AKAP6: variants seen among roughly 807,000 people sequenced by gnomAD.
The protein encoded by AKAP6 is A-kinase anchor protein 6.
In AKAP6, 58 loss-of-function variants were observed where a neutral mutation model predicts 188.5. The ratio of observed to expected loss-of-function variants is 0.31; its 90% confidence interval spans 0.25 to 0.38. AKAP6 has a LOEUF of 0.38. Ranked by LOEUF, AKAP6 falls within the 10% of genes least tolerant of loss-of-function variation. The probability of loss-of-function intolerance (pLI) is 1.00; values close to 1 mark genes in which losing one functional copy is unlikely to be tolerated. For synonymous variants in AKAP6, 989 were observed against 998.6 expected (o/e 0.99, Z 0.18); for missense variants, 2,710 against 2,740.0 (o/e 0.99, Z 0.24).
chr14:32,654,421 A>G (rs780445725), intron 7 of AKAP6, among the ~76,000 whole-genome samples: 1 of 152,182 alleles, frequency 6.6e-6, no homozygotes, highest in Non-Finnish European at 1.5e-5. Context: ...GAGAAAATGT[A>G]TTGAAAAGAA....
At chr14:32,350,159 G>C (rs559480508) in intron 1 of AKAP6, among the ~76,000 whole-genome samples, 1 of 152,258 alleles carries the variant, frequency 6.6e-6, no homozygotes, top group African/African-American at 2.4e-5. Flanking sequence ...CTTGCTCTCA[G>C]AAAACAGGAT....
At chr14:32,537,527 C>T (rs1882739285) in intron 3 of AKAP6, among the ~76,000 whole-genome samples, 1 of 152,196 alleles carries the variant, frequency 6.6e-6, no homozygotes, top group South Asian at 2.1e-4. Flanking sequence ...CTTTAGATAT[C>T]TACCTGGCAT....
intron 7 of AKAP6, among the ~76,000 whole-genome samples, chr14:32,645,709 T>G (rs1186915385): frequency 1.3e-5 from 2 of 152,050 alleles, no homozygotes; most frequent in Admixed American, 1.3e-4. Context: ...GAGGAGCAGG[T>G]GGGTGATAAA....
At chr14:32,781,265 C>T (rs2033241845) in intron 12 of AKAP6, among the ~76,000 whole-genome samples, 1 of 151,326 alleles carries the variant, frequency 6.6e-6, no homozygotes, top group Non-Finnish European at 1.5e-5. Context: ...ATCACTACAG[C>T]TTCTACCAAT....
chr14:32,334,817 C>T (rs1331391872), intron 1 of AKAP6, among the ~76,000 whole-genome samples: 1 of 152,200 alleles, frequency 6.6e-6, no homozygotes, highest in East Asian at 1.9e-4. Context: ...ACTTTGTTTT[C>T]CTCATAAGCC....
At chr14:32,351,562 C>CAAA (rs71432045) in intron 1 of AKAP6, among the ~76,000 whole-genome samples, 2,542 of 116,440 alleles carry the variant, frequency 0.022, 77 homozygotes, top group African/African-American at 0.069. Flanking sequence ...GACTTCATCT[C>CAAA]AAAAAAAAAA....
At chr14:32,549,237 G>A (rs897249251) in intron 4 of AKAP6, among the ~76,000 whole-genome samples, 2 of 152,116 alleles carry the variant, frequency 1.3e-5, no homozygotes, top group Admixed American at 6.5e-5. Flanking sequence ...CTGTCCATGA[G>A]GAAGTGATCA....
chr14:32,707,779 T>C lies in AKAP6; in HGVS notation c.3000+11669T>C, dbSNP rs555931956. 1.4e-4 allele frequency among the ~76,000 whole-genome samples: 22 copies of C among 152,210 alleles called. 2 individuals are homozygous for C. Among genetic ancestry groups the C allele is most frequent in the Admixed American group, 1.3e-3 (20 of 15,274 alleles). ...ACAGTCTATTTTTATGCTGTGATAA[T>C]TGAATGTAAAACTTTATGTTCTTTT... On this transcript the variant is annotated intron_variant, in intron 9 of 13. Coordinates refer to ENST00000280979, the MANE Select transcript of AKAP6 (RefSeq NM_004274.5).
chr14:32,598,686 G>A (rs1468805186), intron 5 of AKAP6, among the ~76,000 whole-genome samples: 2 of 152,130 alleles, frequency 1.3e-5, no homozygotes. Context: ...AGCGGAGAGG[G>A]GGGAGTAATT....
rs1220643334 is a variant in AKAP6, at chr14:32,709,620, T to G, written c.3000+13510T>G. Among the ~76,000 whole-genome samples the G allele has an allele frequency of 4.6e-5, 7 of 152,208 alleles. No homozygotes were observed. The East Asian group carries it at 7.7e-4, about 17-fold the overall frequency. On this transcript the variant is annotated intron_variant, in intron 9 of 13. Transcript: ENST00000280979. The stretch of plus-strand genomic sequence containing the variant: ...TTCCTTCTCTTTCAAGGATTGTTTT[T>G]ATCCATTCCATATAGGAGAGAATTT...
chr14:32,715,971 T>C (rs1214213645), intron 9 of AKAP6, among the ~76,000 whole-genome samples: 1 of 151,710 alleles, frequency 6.6e-6, no homozygotes, highest in African/African-American at 2.4e-5. Context: ...GTAACAGAAA[T>C]TGTTCTAGGA....
chr14:32,385,087 C>A (rs182958346), intron 1 of AKAP6: 2 of 151,350 alleles, frequency 1.3e-5, no homozygotes, highest in African/African-American at 4.9e-5. Flanking sequence ...ATGATGCTGT[C>A]GCTGGTCTTG....
intron 9 of AKAP6, among the ~76,000 whole-genome samples, chr14:32,711,113 G>T (rs1891039497): frequency 6.6e-6 from 1 of 151,982 alleles, no homozygotes; most frequent in Non-Finnish European, 1.5e-5. Context: ...GACTTGAATG[G>T]TTTCCCAATT....
chr14:32,708,161 GA>G (rs1466278769), intron 9 of AKAP6, among the ~76,000 whole-genome samples: 11 of 152,006 alleles, frequency 7.2e-5, no homozygotes, highest in African/African-American at 2.7e-4. Context: ...AGATGTAGGT[GA>G]ATATCAACAG....
intron 2 of AKAP6, among the ~76,000 whole-genome samples, chr14:32,514,264 A>G (rs1324597542): frequency 6.6e-6 from 1 of 152,222 alleles, no homozygotes; most frequent in Non-Finnish European, 1.5e-5. Flanking sequence ...GGACTCTCAG[A>G]TGTGAGACCT....
In AKAP6 at chr14:32,824,280, T is replaced by G; in HGVS notation, c.6467T>G (p.Phe2156Cys). 6.2e-7 allele frequency: 1 copy of G among 1,613,916 alleles called. No individual in the cohort carries two copies. The highest frequency in any genetic ancestry group is 8.5e-7 in the Non-Finnish European group (1 of 1,179,932). ...LDDKEDIECF[F>C]EACVEGDSDG... is the part of the protein sequence containing the mutation. ...GACAAGGAAGATATTGAATGCTTTT[T>G]TGAGGCCTGTGTTGAGGGTGACTCT... The change falls in exon 13 of 14, where the codon TTT becomes TGT. Residue 2156 changes from phenylalanine (F) to cysteine (C), a missense_variant. This residue lies in a region of AKAP6 where 2,473 missense variants were observed against 2,426.1 expected (regional missense o/e 1.02). Transcript: ENST00000280979.
intron 7 of AKAP6, among the ~76,000 whole-genome samples, chr14:32,641,860 G>A (rs375826057): frequency 3.3e-5 from 5 of 152,140 alleles, no homozygotes; most frequent in South Asian, 2.1e-4. Flanking sequence ...GCATTTTAAT[G>A]TGGAAAGAGA....
intron 2 of AKAP6, among the ~76,000 whole-genome samples, chr14:32,529,477 A>T (rs1278840593): frequency 6.6e-6 from 1 of 151,686 alleles, no homozygotes; most frequent in African/African-American, 2.4e-5. Context: ...TTTTTATCTT[A>T]TTGCAATAGC....
chr14:32,777,697 A>G (rs1219935055), intron 12 of AKAP6, among the ~76,000 whole-genome samples: 2 of 152,220 alleles, frequency 1.3e-5, no homozygotes, highest in Non-Finnish European at 2.9e-5. Flanking sequence ...GCTCTGAGGT[A>G]TCTTCAAGCA....
Sources: allele counts gnomAD v4.1 joint callset (sites outside exome capture counted in the v4.1 genomes callset), GRCh38; gene constraint gnomAD v4.1.1; regional missense constraint gnomAD v4.1.1; transcripts MANE v1.5; gene names NCBI Gene and HGNC (gene_info 2026-07-23, HGNC 2026-07-21).